Variants in VPS13B observed in about 807,000 individuals in gnomAD.
VPS13B encodes the protein vacuolar protein sorting 13 homolog B.
A neutral mutation model predicts 426.4 loss-of-function variants in VPS13B; 285 were observed. The observed-to-expected ratio is 0.67, with a 90% CI of 0.61 to 0.74. The LOEUF (loss-of-function observed/expected upper bound fraction) is 0.74, where lower values mean the gene tolerates loss of function less well. VPS13B is among the 30% of genes least tolerant of loss of function. The pLI, the probability that VPS13B is intolerant of heterozygous loss-of-function variation, is 0.00. For synonymous variants in VPS13B, 1,676 were observed against 1,676.4 expected (o/e 1.00, Z 0.01); for missense variants, 4,537 against 4,782.6 (o/e 0.95, Z 1.51).
At chr8:99,031,035 G>A (rs1026609907) in intron 2 of VPS13B, among the ~76,000 whole-genome samples, 1 of 152,060 alleles carries the variant, frequency 6.6e-6, no homozygotes, top group African/African-American at 2.4e-5. Context: ...AGTTAGCCTA[G>A]GTAAAATTAG....
At chr8:99,499,650 C>A (rs1821122458) in intron 25 of VPS13B, among the ~76,000 whole-genome samples, 1 of 152,060 alleles carries the variant, frequency 6.6e-6, no homozygotes, top group Non-Finnish European at 1.5e-5. Flanking sequence ...TTTATAGCTT[C>A]TCAAGTTGTA....
chr8:99,319,648 C>T (rs1809866849), intron 19 of VPS13B, among the ~76,000 whole-genome samples: 1 of 152,096 alleles, frequency 6.6e-6, no homozygotes, highest in Non-Finnish European at 1.5e-5. Flanking sequence ...AAAAATGCCC[C>T]CAGAGTGTGG....
chr8:99,397,241 G>T (rs900286232), intron 21 of VPS13B, among the ~76,000 whole-genome samples: 1 of 152,170 alleles, frequency 6.6e-6, no homozygotes, highest in African/African-American at 2.4e-5. Flanking sequence ...CACCTCCTGA[G>T]TTCAAAAGAT....
At chr8:99,215,683 G>T (rs1199968062) in intron 17 of VPS13B, among the ~76,000 whole-genome samples, 1 of 152,132 alleles carries the variant, frequency 6.6e-6, no homozygotes, top group East Asian at 1.9e-4. Flanking sequence ...TATGAGCATT[G>T]TTTGAAGCCC....
In VPS13B at chr8:99,808,954, T is replaced by C. The variant is rs1813555026; in HGVS notation, c.7942-421T>C. Among the ~76,000 whole-genome samples the C allele has an allele frequency of 2.0e-5, 3 of 151,964 alleles. No individual in the cohort carries two copies. The South Asian group carries it at 6.2e-4, about 31-fold the overall frequency. ...TATCAAAAGAAAAAAGGTATGACAA[T>C]TGATGATTAAAAAAAAAACCCACAA... On this transcript the variant is annotated intron_variant, in intron 43 of 61. Coordinates refer to ENST00000357162, the MANE Select transcript of VPS13B (RefSeq NM_152564.5).
intron 33 of VPS13B, among the ~76,000 whole-genome samples, chr8:99,581,634 C>T (rs1301561853): frequency 6.6e-6 from 1 of 152,072 alleles, no homozygotes; most frequent in Non-Finnish European, 1.5e-5. Context: ...GTTGAGTCCC[C>T]TATCTGAAAA....
At chr8:99,446,790 A>G (rs951031227) in intron 23 of VPS13B, among the ~76,000 whole-genome samples, 7 of 152,322 alleles carry the variant, frequency 4.6e-5, no homozygotes, top group African/African-American at 1.7e-4. Context: ...CATACATGTT[A>G]CTAGTACCTG....
chr8:99,746,800 C>T (rs539546527), intron 39 of VPS13B, among the ~76,000 whole-genome samples: 25 of 152,182 alleles, frequency 1.6e-4, no homozygotes, highest in African/African-American at 5.8e-4. Flanking sequence ...ACATCTGTAG[C>T]ATTTGTACTG....
chr8:99,615,075 C>T (rs1828025068), intron 33 of VPS13B, among the ~76,000 whole-genome samples: 1 of 149,226 alleles, frequency 6.7e-6, no homozygotes, highest in Non-Finnish European at 1.5e-5. Flanking sequence ...CGAGATTGCG[C>T]CATTGCACTC....
intron 17 of VPS13B, among the ~76,000 whole-genome samples, chr8:99,217,975 C>G (rs907025823): frequency 6.6e-6 from 1 of 152,216 alleles, no homozygotes; most frequent in Non-Finnish European, 1.5e-5. Context: ...ATAAAAGAAT[C>G]TAGTGCTGGA....
At chr8:99,510,958 C>A in intron 28 of VPS13B, 146 bp from the exon 29 acceptor site, 1 of 843,190 alleles carries the variant, frequency 1.2e-6, no homozygotes, top group Non-Finnish European at 1.8e-6. Flanking sequence ...CCCACATCTG[C>A]AGAATTGATC....
At chr8:99,819,805 C>G (rs1470267204) in intron 48 of VPS13B, 116 bp from the exon 49 acceptor site, 2 of 1,354,148 alleles carry the variant, frequency 1.5e-6, no homozygotes, top group Admixed American at 3.9e-5. Context: ...TTGAAAGATT[C>G]TGGTATGAGG....
intron 19 of VPS13B, among the ~76,000 whole-genome samples, chr8:99,326,232 C>T (rs1810251123): frequency 6.6e-6 from 1 of 151,776 alleles, no homozygotes; most frequent in African/African-American, 2.4e-5. Context: ...CAGGCATGTG[C>T]GACAGGTACT....
chr8:99,677,332 A>G (rs376246975), intron 35 of VPS13B, among the ~76,000 whole-genome samples: 10 of 152,176 alleles, frequency 6.6e-5, no homozygotes, highest in African/African-American at 2.4e-4. Flanking sequence ...AATGTAAACT[A>G]GTTAATGAAA....
chr8:99,587,944 C>T (rs201502078), intron 33 of VPS13B, among the ~76,000 whole-genome samples: 1 of 151,670 alleles, frequency 6.6e-6, no homozygotes, highest in African/African-American at 2.4e-5. Context: ...CTAGGGTTTT[C>T]ATGGTTTTAG....
At chr8:99,356,789 G>C (rs1812206085) in intron 19 of VPS13B, among the ~76,000 whole-genome samples, 1 of 152,096 alleles carries the variant, frequency 6.6e-6, no homozygotes. Flanking sequence ...AGAATCTCTA[G>C]TATTATTGAA....
At chr8:99,334,655 T>C (rs1026072719) in intron 19 of VPS13B, among the ~76,000 whole-genome samples, 2 of 152,214 alleles carry the variant, frequency 1.3e-5, no homozygotes, top group African/African-American at 4.8e-5. Flanking sequence ...CTGGATTACA[T>C]TTATTGATTT....
At chr8:99,796,615 T>C (rs530330226) in intron 43 of VPS13B, 41 of 152,292 alleles carry the variant, frequency 2.7e-4, no homozygotes, top group African/African-American at 9.9e-4. Flanking sequence ...CCAACACTTA[T>C]TGACTTAAAA....
intron 33 of VPS13B, among the ~76,000 whole-genome samples, chr8:99,618,282 C>CA (rs11301760): frequency 0.091 from 10,698 of 117,162 alleles, 387 homozygotes; most frequent in African/African-American, 0.13. Flanking sequence ...GTGTATATTT[C>CA]AAAAAAAAAA....
Sources: gnomAD v4.1 joint callset for allele counts (sites outside exome capture counted in the v4.1 genomes callset) on GRCh38, gnomAD v4.1.1 for gene constraint, MANE v1.5 for transcripts, NCBI Gene and HGNC (gene_info 2026-07-23, HGNC 2026-07-21) for gene names.